The following TMEM108 variants were observed in gnomAD, a reference collection of about 807,000 sequenced individuals.
TMEM108 encodes cancer/testis antigen 124.
Under a neutral mutation model 35.1 loss-of-function variants are expected in TMEM108, and 12 were observed. The observed-to-expected ratio is 0.34, with a 90% CI of 0.22 to 0.55. TMEM108 has a LOEUF of 0.55. Ranked by LOEUF, TMEM108 falls within the 20% of genes least tolerant of loss-of-function variation. The pLI, the probability that TMEM108 is intolerant of heterozygous loss-of-function variation, is 0.89. For synonymous variants in TMEM108, 287 were observed against 308.6 expected (o/e 0.93, Z 0.73); for missense variants, 680 against 753.3 (o/e 0.90, Z 1.14).
chr3:133,395,942 C>T lies in TMEM108; in HGVS notation c.1684C>T (p.Gln562Ter), dbSNP rs1198167976. 1 of 1,606,532 alleles carries T rather than the reference C, an allele frequency of 6.2e-7. No individual in the cohort carries two copies. Among genetic ancestry groups the T allele is most frequent in the Non-Finnish European group, 8.5e-7 (1 of 1,176,860 alleles). ...GATGGTCCTTGTTAACCCCTTCTGT[C>T]AAGAAACACTGTTTGTGGGAAACGA... ...TGMVLVNPFC[Q>*]ETLFVGNDQV... The change falls in exon 6 of 6, where the codon CAA becomes TAA. Residue 562 changes from glutamine to a stop codon, truncating the protein, a stop_gained. Coordinates refer to ENST00000321871, the MANE Select transcript of TMEM108 (RefSeq NM_023943.4). LOFTEE classifies it high-confidence loss of function.
chr3:133,089,376 G>A (rs2107705268), intron 2 of TMEM108, among the ~76,000 whole-genome samples: 1 of 152,258 alleles, frequency 6.6e-6, no homozygotes, highest in African/African-American at 2.4e-5. Context: ...TTAGCATATT[G>A]AGTTTTTTAT....
chr3:133,320,337 AAC>A (rs997056309), intron 3 of TMEM108, among the ~76,000 whole-genome samples: 103 of 152,208 alleles, frequency 6.8e-4, no homozygotes, highest in African/African-American at 2.3e-3. Context: ...AGAAAAAAAA[AAC>A]AATCACAACT....
chr3:133,348,623 C>T (rs574370627), intron 3 of TMEM108, among the ~76,000 whole-genome samples: 85 of 152,238 alleles, frequency 5.6e-4, no homozygotes, highest in African/African-American at 2.0e-3. Context: ...GCCTGTGTTC[C>T]CTGACATCAA....
rs2073308900 is a variant in TMEM108 at position 133,396,520 on chromosome 3, A to G, written c.*534A>G. The stretch of plus-strand genomic sequence containing the variant: ...CTGAGGATGAGTACCCTGGAGCCTT[A>G]TGACGGCACCATTGGATGTCATGTT... On this transcript the variant is annotated 3_prime_UTR_variant, in exon 6 of 6. Transcript: ENST00000321871. 6.6e-6 allele frequency: 1 copy of G among 152,220 alleles called. No individual in the cohort carries two copies. Among genetic ancestry groups the G allele is most frequent in the African/African-American group, 2.4e-5 (1 of 41,436 alleles). The allele number at this position is 152,220 out of a possible 1,614,324, so 9.4% of individuals were successfully genotyped here.
intron 2 of TMEM108, among the ~76,000 whole-genome samples, chr3:133,215,229 A>G (rs933156735): frequency 2.0e-5 from 3 of 152,162 alleles, no homozygotes; most frequent in African/African-American, 7.2e-5. Context: ...TTATGCCTGA[A>G]TGAAGCTAAT....
chr3:133,391,178 T>C (rs2073229615), intron 5 of TMEM108, among the ~76,000 whole-genome samples: 1 of 152,196 alleles, frequency 6.6e-6, no homozygotes, highest in Non-Finnish European at 1.5e-5. Context: ...ATTATGCTGA[T>C]GGCCTGGTGA....
chr3:133,137,381 G>A (rs1489934803), intron 2 of TMEM108, among the ~76,000 whole-genome samples: 1 of 152,194 alleles, frequency 6.6e-6, no homozygotes, highest in Non-Finnish European at 1.5e-5. Flanking sequence ...AAGAGCAGAT[G>A]AGGTTTCCAT....
intron 2 of TMEM108, among the ~76,000 whole-genome samples, chr3:133,220,206 A>G (rs149868643): frequency 0.013 from 1,893 of 149,764 alleles, 15 homozygotes; most frequent in South Asian, 0.025. Context: ...TTCATTTTGT[A>G]TGTGTCCTTA....
At chr3:133,332,452 G>A (rs2071407608) in intron 3 of TMEM108, among the ~76,000 whole-genome samples, 1 of 152,206 alleles carries the variant, frequency 6.6e-6, no homozygotes. Flanking sequence ...CCACTAAACA[G>A]GGAAAGCTGG....
chr3:133,178,200 G>T (rs1048619562), intron 2 of TMEM108, among the ~76,000 whole-genome samples: 1 of 152,180 alleles, frequency 6.6e-6, no homozygotes, highest in Non-Finnish European at 1.5e-5. Context: ...CATACTCATG[G>T]ATAGGAAGAA....
At chr3:133,151,619 C>T (rs1440874367) in intron 2 of TMEM108, among the ~76,000 whole-genome samples, 2 of 151,992 alleles carry the variant, frequency 1.3e-5, no homozygotes, top group Non-Finnish European at 2.9e-5. Context: ...GATTTTAATG[C>T]TAGAAATAAA....
rs144994276 is a variant in TMEM108 at position 133,246,972 on chromosome 3, A to G, written c.40+17621A>G. On this transcript the variant is annotated intron_variant, in intron 3 of 5. Transcript: ENST00000321871. Reference sequence around the variant, plus strand: ...CTGTCATGGCTCTAACTTAATTACCAAGTGACAGTTCCTCTCTGCTATGGA... The same window carrying G: ...CTGTCATGGCTCTAACTTAATTACCGAGTGACAGTTCCTCTCTGCTATGGA... 2.9e-3 allele frequency: 441 copies of G among 152,326 alleles called. 3 individuals carry two copies. The highest frequency in any genetic ancestry group is 0.01 in the African/African-American group (429 of 41,570). The allele number at this position is 152,326 out of a possible 1,614,324, so 9.4% of individuals were successfully genotyped here.
At chr3:133,379,218 G>T (rs530988339) in intron 3 of TMEM108, among the ~76,000 whole-genome samples, 1 of 152,326 alleles carries the variant, frequency 6.6e-6, no homozygotes, top group South Asian at 2.1e-4. Context: ...AGGTCTGTTT[G>T]CTTGTACCTT....
At chr3:133,270,702 C>T (rs1216011662) in intron 3 of TMEM108, among the ~76,000 whole-genome samples, 1 of 152,060 alleles carries the variant, frequency 6.6e-6, no homozygotes, top group Non-Finnish European at 1.5e-5. Flanking sequence ...AATATGGCTG[C>T]AGCCTGGCTC....
At chr3:133,366,759 T>C (rs1432575645) in intron 3 of TMEM108, among the ~76,000 whole-genome samples, 1 of 152,208 alleles carries the variant, frequency 6.6e-6, no homozygotes, top group Non-Finnish European at 1.5e-5. Context: ...TTAAGATTTG[T>C]CCTTTTCTAC....
intron 3 of TMEM108, among the ~76,000 whole-genome samples, chr3:133,319,809 A>G (rs191014756): frequency 6.6e-6 from 1 of 152,218 alleles, no homozygotes; most frequent in East Asian, 1.9e-4. Flanking sequence ...AGGAAGCCCC[A>G]TCCCTAGGGG....
intron 2 of TMEM108, among the ~76,000 whole-genome samples, chr3:133,195,160 ACTT>A (rs1945558880): frequency 1.3e-5 from 2 of 152,190 alleles, no homozygotes; most frequent in Non-Finnish European, 2.9e-5. Context: ...AACTAATTAT[ACTT>A]CTTTATAATT....
chr3:133,350,932 G>A (rs946050139), intron 3 of TMEM108, among the ~76,000 whole-genome samples: 4 of 152,180 alleles, frequency 2.6e-5, no homozygotes, highest in African/African-American at 9.7e-5. Flanking sequence ...TGAAAGGAAA[G>A]ATATGACATT....
chr3:133,206,112 A>C (rs1472914768), intron 2 of TMEM108, among the ~76,000 whole-genome samples: 4 of 152,196 alleles, frequency 2.6e-5, no homozygotes, highest in Non-Finnish European at 5.9e-5. Context: ...TTCTGTATGC[A>C]TCACGAAGTT....
Sources: allele counts gnomAD v4.1 joint callset (sites outside exome capture counted in the v4.1 genomes callset), GRCh38; gene constraint gnomAD v4.1.1; transcripts MANE v1.5; gene names NCBI Gene and HGNC (gene_info 2026-07-23, HGNC 2026-07-21).